DAPK2: variants seen among roughly 807,000 people sequenced by gnomAD.
DAPK2 encodes death-associated protein kinase 2.
In DAPK2, 35 loss-of-function variants were observed where a neutral mutation model predicts 44.1. The observed-to-expected ratio is 0.79, with a 90% CI of 0.61 to 1.05. DAPK2 has a LOEUF of 1.05. Ranked by LOEUF, DAPK2 falls within the 50% of genes least tolerant of loss-of-function variation. DAPK2 has a pLI of 0.00. For missense variants in DAPK2, 453 were observed against 483.2 expected (o/e 0.94, Z 0.59); for synonymous variants, 174 against 182.6 (o/e 0.95, Z 0.38).
At chr15:64,006,784 T>G (rs1186172035) in intron 1 of DAPK2, among the ~76,000 whole-genome samples, 2 of 152,156 alleles carry the variant, frequency 1.3e-5, no homozygotes, top group African/African-American at 2.4e-5. Flanking sequence ...CCCTGCCTCA[T>G]GTGTCAGACA....
chr15:63,964,854 G>A (rs2078010521), intron 3 of DAPK2, among the ~76,000 whole-genome samples: 2 of 151,936 alleles, frequency 1.3e-5, no homozygotes, highest in South Asian at 4.1e-4. Context: ...CCTTCTCTGT[G>A]TTATCTTGAT....
chr15:63,947,148 T>G (rs764521163), intron 3 of DAPK2, among the ~76,000 whole-genome samples: 18 of 152,152 alleles, frequency 1.2e-4, no homozygotes, highest in Non-Finnish European at 2.4e-4. Context: ...TTCACTCTGC[T>G]GGAACAGCCT....
chr15:63,974,836 A>C (rs2078301293), intron 2 of DAPK2, among the ~76,000 whole-genome samples: 1 of 152,172 alleles, frequency 6.6e-6, no homozygotes, highest in African/African-American at 2.4e-5. Context: ...AGGGCCTGCT[A>C]TTTGTCATGT....
At chr15:63,911,531 A>T (rs2078791883) in intron 10 of DAPK2, 1 of 253,412 alleles carries the variant, frequency 3.9e-6, no homozygotes, top group Non-Finnish European at 7.7e-6. Flanking sequence ...AACAAAGCAG[A>T]AATAGAAATA....
At chr15:64,044,940 C>T (rs951869806), upstream of DAPK2, among the ~76,000 whole-genome samples, 2 of 152,166 alleles carry the variant, frequency 1.3e-5, no homozygotes, top group Non-Finnish European at 2.9e-5. Context: ...AGGGATGGGG[C>T]TCCGGCATTA....
Position 63,980,096 on chromosome 15 carries a change from G to A in DAPK2, c.314+3437C>T, listed in dbSNP as rs1054277677. ...CTGAGAACAATGAGACAGCTTGGAAGTGAAGGGGGAGACAGAAACGGGACA... is the reference window on the plus strand; with the variant it reads ...CTGAGAACAATGAGACAGCTTGGAAATGAAGGGGGAGACAGAAACGGGACA... On this transcript the variant is annotated intron_variant, in intron 2 of 10. Coordinates refer to ENST00000261891, the Ensembl canonical transcript of DAPK2. This position sits in a 1 kb window ranked among gnomAD's most constrained non-coding sequence, Gnocchi z 4.3. 1.3e-5 allele frequency among the ~76,000 whole-genome samples: 2 copies of A among 152,186 alleles called. No individual in the cohort carries two copies. The highest frequency in any genetic ancestry group is 4.8e-5 in the African/African-American group (2 of 41,436).
intron 1 of DAPK2, among the ~76,000 whole-genome samples, chr15:63,993,699 G>A (rs1244846378): frequency 1.3e-5 from 2 of 152,076 alleles, no homozygotes; most frequent in Non-Finnish European, 2.9e-5. Flanking sequence ...TACAGGGTTA[G>A]GGGTCCTGGC....
At position 63,990,859 on chromosome 15, in the gene DAPK2, C is replaced by T. The variant is rs1304428076; in HGVS notation, c.93-7105G>A. On this transcript the variant is annotated intron_variant, in intron 1 of 10. Transcript: ENST00000261891. The surrounding 1 kb of genome is among the most constrained non-coding windows in gnomAD (Gnocchi z 4.3). ...AGCTCAAAGCTGTAGTCCACAAGAA[C>T]CAGGTCAGCCTGATCCCGGAGGACC... is the stretch of plus-strand genomic sequence containing the variant. Among the ~76,000 whole-genome samples, 2 of 152,190 alleles carry T rather than the reference C, an allele frequency of 1.3e-5. No homozygotes were observed. The highest frequency in any genetic ancestry group is 1.3e-4 in the Admixed American group (2 of 15,286).
intron 8 of DAPK2, chr15:63,919,302 T>A (rs2079010174): frequency 6.6e-6 from 1 of 152,212 alleles, no homozygotes; most frequent in Non-Finnish European, 1.5e-5. Flanking sequence ...GAGAGGACGA[T>A]GTCACTGCTA....
intron 3 of DAPK2, among the ~76,000 whole-genome samples, chr15:63,956,867 G>A (rs553687539): frequency 7.9e-5 from 12 of 152,298 alleles, no homozygotes; most frequent in Admixed American, 2.0e-4. Context: ...GATTACAGGC[G>A]TGAGCCACTG....
chr15:64,019,269 G>A (rs2079617753), intron 1 of DAPK2, among the ~76,000 whole-genome samples: 1 of 152,190 alleles, frequency 6.6e-6, no homozygotes, highest in Non-Finnish European at 1.5e-5. Flanking sequence ...TTAAGTGTCT[G>A]TTTACACAGA....
intron 1 of DAPK2, among the ~76,000 whole-genome samples, chr15:64,022,894 T>C (rs1268066660): frequency 6.6e-6 from 1 of 152,174 alleles, no homozygotes; most frequent in Admixed American, 6.5e-5. Flanking sequence ...AGACAGATGA[T>C]ATCTTGGGGC....
chr15:64,005,127 A>C (rs1219084369), intron 1 of DAPK2, among the ~76,000 whole-genome samples: 1 of 152,036 alleles, frequency 6.6e-6, no homozygotes, highest in Non-Finnish European at 1.5e-5. Flanking sequence ...AGGGTGCAAG[A>C]TTGTGGGTTT....
chr15:63,982,903 T>C (rs925472127), intron 2 of DAPK2, among the ~76,000 whole-genome samples: 9 of 152,238 alleles, frequency 5.9e-5, no homozygotes, highest in Admixed American at 1.3e-4. Context: ...GAATACAAAA[T>C]AACCTGTCTG....
chr15:64,029,698 T>C (rs1410472918), intron 1 of DAPK2: 1 of 152,304 alleles, frequency 6.6e-6, no homozygotes, highest in Admixed American at 6.5e-5. Flanking sequence ...AGAATATTTA[T>C]TGTTAACTGT....
chr15:63,920,528 T>G (rs1567201746), intron 8 of DAPK2: 1 of 152,218 alleles, frequency 6.6e-6, no homozygotes. Context: ...TCACCACGGT[T>G]TCTCATAGCT....
chr15:63,971,459 G>A lies in DAPK2; in HGVS notation c.417C>T (p.Tyr139=), dbSNP rs766611239. ...AGTGAGCAATTTTCTTTGTGTGAAG[G>A]TAGTTCACCCCATCCAGGATCTGCT... Residue 139 remains tyrosine, a synonymous_variant, in exon 3 of 11, where the codon TAC becomes TAT. Transcript: ENST00000261891. 8.7e-6 allele frequency: 14 copies of A among 1,614,068 alleles called. No homozygotes were observed. The East Asian group carries it at 2.9e-4, about 33-fold the overall frequency.
At chr15:63,962,125 T>C (rs938164318) in intron 3 of DAPK2, among the ~76,000 whole-genome samples, 1 of 152,226 alleles carries the variant, frequency 6.6e-6, no homozygotes, top group Non-Finnish European at 1.5e-5. Context: ...TTCTTCCACT[T>C]GATCAAATCA....
intron 10 of DAPK2, 62 bp downstream of exon 11, chr15:63,911,846 C>T: frequency 6.5e-7 from 1 of 1,530,756 alleles, no homozygotes; most frequent in Non-Finnish European, 9.0e-7. Flanking sequence ...GGGAACTCAC[C>T]CATCCCTGAG....
Sources: allele counts gnomAD v4.1 joint callset (sites outside exome capture counted in the v4.1 genomes callset), GRCh38; gene constraint gnomAD v4.1.1; non-coding constraint Gnocchi (gnomAD v3.1); transcripts MANE v1.5; gene names NCBI Gene and HGNC (gene_info 2026-07-23, HGNC 2026-07-21).